Variants in ECSIT observed in about 807,000 individuals in gnomAD.
ECSIT encodes the protein ECSIT signaling integrator, also known as evolutionarily conserved signaling intermediate in Toll pathway, mitochondrial.
In ECSIT, 29 loss-of-function variants were observed where a neutral mutation model predicts 36.8. That is an observed-to-expected ratio of 0.79 (90% confidence interval 0.59 to 1.08). The LOEUF is 1.08. Among genes scored for constraint, ECSIT ranks in the 50% least tolerant of loss-of-function variants. The pLI is 0.00. For missense variants in ECSIT, 542 were observed against 581.0 expected, an observed-to-expected ratio of 0.93 and a Z score of 0.69; for synonymous variants, 231 against 234.8, an observed-to-expected ratio of 0.98 and a Z score of 0.15.
At position 11,523,495 on chromosome 19, in the gene ECSIT, G is replaced by T. The variant is rs1972150362; in HGVS notation, c.-23-4302C>A. On this transcript the variant is annotated intron_variant, in intron 1 of 7. Transcript: ENST00000270517. ...TGGATGTTAATACTGCTTTACAAGA[G>T]GTGCTGAAGACCGCCCTCATCCACG... 13 of 1,074,166 alleles carry T rather than the reference G, an allele frequency of 1.2e-5. No individual in the cohort carries two copies. The East Asian group carries it at 3.1e-4, about 26-fold the overall frequency. 66.5% of individuals were successfully genotyped at this position (1,074,166 alleles called of 1,614,324 possible). A position where few individuals can be genotyped will look rare whatever the true frequency, so the allele number is the denominator to read the frequency against.
Position 11,519,111 on chromosome 19 carries a change from G to C in ECSIT, c.60C>G (p.Thr20=). ...ARGLCRAWGG[T]CGAALTGTSI... The stretch of plus-strand genomic sequence containing the variant: ...AGGTTCCTGTGAGGGCGGCCCCGCA[G>C]GTGCCTCCCCAGGCCCTACAGAGGC... The change falls in exon 2 of 8, where the codon ACC becomes ACG. Residue 20 remains threonine (T), a synonymous_variant. Transcript: ENST00000270517. This position sits in a 1 kb window ranked among gnomAD's most constrained non-coding sequence, Gnocchi z 4.4. 4 of 1,551,256 alleles carry C rather than the reference G, an allele frequency of 2.6e-6. No individual in the cohort carries two copies. Among genetic ancestry groups the C allele is most frequent in the Non-Finnish European group, 3.5e-6 (4 of 1,146,988 alleles).
At chr19:11,521,315 T>C (rs538347054) in intron 1 of ECSIT, among the ~76,000 whole-genome samples, 9 of 152,304 alleles carry the variant, frequency 5.9e-5, no homozygotes, top group South Asian at 2.1e-4. Flanking sequence ...CTGAGACATA[T>C]GGTAACTACA....
chr19:11,509,174 G>A (rs1971820024), intron 4 of ECSIT, among the ~76,000 whole-genome samples: 1 of 150,606 alleles, frequency 6.6e-6, no homozygotes. Context: ...CTGGGTTCAA[G>A]TGATTCTGCT....
intron 1 of ECSIT, among the ~76,000 whole-genome samples, chr19:11,526,023 G>A (rs1456259265): frequency 6.6e-6 from 1 of 151,768 alleles, no homozygotes; most frequent in Non-Finnish European, 1.5e-5. Context: ...GGAGTGCAGT[G>A]GTGCAATCTT....
chr19:11,512,268 C>T (rs1157079624), intron 4 of ECSIT, among the ~76,000 whole-genome samples: 3 of 151,994 alleles, frequency 2.0e-5, no homozygotes, highest in African/African-American at 7.3e-5. Context: ...TGGCTTCAGC[C>T]TGGGAGGTGG....
chr19:11,513,432 C>T (rs976532613), intron 3 of ECSIT, 153 bp from the exon 4 acceptor site: 7 of 806,500 alleles, frequency 8.7e-6, no homozygotes, highest in Admixed American at 6.1e-5. Context: ...TGCCTGTAAT[C>T]CCAGCACATT....
intron 4 of ECSIT, among the ~76,000 whole-genome samples, chr19:11,512,227 C>G (rs943531955): frequency 6.6e-6 from 1 of 151,958 alleles, no homozygotes; most frequent in East Asian, 1.9e-4. Context: ...CGACTGTAGT[C>G]CCAGCTACTT....
chr19:11,515,920 C>T (rs1971989628), intron 2 of ECSIT: 1 of 152,130 alleles, frequency 6.6e-6, no homozygotes, highest in African/African-American at 2.4e-5. Context: ...ATGTGAGCCA[C>T]CATGCCCGGC....
Position 11,513,182 on chromosome 19 carries a change from G to C in ECSIT, c.612C>G (p.Phe204Leu). The C allele has an allele frequency of 6.2e-7, 1 of 1,614,126 alleles. No homozygotes were observed. Among genetic ancestry groups the C allele is most frequent in the South Asian group, 1.1e-5 (1 of 91,078 alleles). Residue 204 changes from phenylalanine to leucine, a missense_variant, in exon 4 of 8, where the codon TTC becomes TTG. Coordinates refer to ENST00000270517, the MANE Select transcript of ECSIT (RefSeq NM_016581.5). ...MLKLVRLKLWFPRFMNVNPFP... is the reference protein window; with the variant it reads ...MLKLVRLKLWLPRFMNVNPFP... ...AGGGGTTGACGTTCATGAATCGAGG[G>C]AACCACAGCTTCAGGCGCACCAACT...
At chr19:11,526,257 C>T (rs1182027087) in intron 1 of ECSIT, among the ~76,000 whole-genome samples, 1 of 152,150 alleles carries the variant, frequency 6.6e-6, no homozygotes, top group African/African-American at 2.4e-5. Context: ...GCCACTGCGC[C>T]AGGCCCAAAT....
Position 11,506,438 on chromosome 19 carries a change from G to T in ECSIT, c.1052-10C>A. 1 of 1,606,964 alleles carries T rather than the reference G, an allele frequency of 6.2e-7. No homozygotes were observed. Among genetic ancestry groups the T allele is most frequent in the Non-Finnish European group, 8.5e-7 (1 of 1,175,400 alleles). Reference sequence around the variant, plus strand: ...ACAGGGCCTTCCTCCACTGTTGGAAGACATGCACCCTTAAGGTTTGCACAG... The same window carrying T: ...ACAGGGCCTTCCTCCACTGTTGGAATACATGCACCCTTAAGGTTTGCACAG... On this transcript the variant is annotated splice_polypyrimidine_tract_variant and intron_variant, in intron 7 of 7. Coordinates refer to ENST00000270517, the MANE Select transcript of ECSIT (RefSeq NM_016581.5).
chr19:11,528,610 T>A (rs1383486633), intron 1 of ECSIT: 1 of 152,220 alleles, frequency 6.6e-6, no homozygotes, highest in African/African-American at 2.4e-5. Context: ...TCTATCTTCC[T>A]CATTGCTGTG....
chr19:11,512,814 G>A (rs1258335821), intron 4 of ECSIT, among the ~76,000 whole-genome samples: 1 of 152,024 alleles, frequency 6.6e-6, no homozygotes, highest in Non-Finnish European at 1.5e-5. Context: ...ATAGTGGTGT[G>A]TGACTGGAGT....
chr19:11,522,210 C>T, intron 1 of ECSIT: 1 of 545,678 alleles, frequency 1.8e-6, no homozygotes, highest in Non-Finnish European at 3.3e-6. Flanking sequence ...CGGCATCTGG[C>T]TGCGCTACAA....
At chr19:11,509,288 G>A (rs1391672224) in intron 4 of ECSIT, among the ~76,000 whole-genome samples, 1 of 150,936 alleles carries the variant, frequency 6.6e-6, no homozygotes, top group East Asian at 2.0e-4. Flanking sequence ...GGTCAGGCTG[G>A]TCTCAAACTC....
In ECSIT at chr19:11,523,557, C is replaced by G. The variant is rs1972151754; in HGVS notation, c.-23-4364G>C. 1.9e-6 allele frequency: 2 copies of G among 1,072,968 alleles called. 1 individual carries two copies. The highest frequency in any genetic ancestry group is 6.2e-4 in the Middle Eastern group (2 of 3,226). The allele number at this position is 1,072,968 out of a possible 1,614,324, so 66.5% of individuals were successfully genotyped here. ...CGTGGAATCTGTGAAGCTGCCAAAG[C>G]CTTAGACAAGCGCCAAGCCCATCTT... On this transcript the variant is annotated intron_variant, in intron 1 of 7. Coordinates refer to ENST00000270517, the MANE Select transcript of ECSIT (RefSeq NM_016581.5).
chr19:11,507,350 C>T, intron 7 of ECSIT, 107 bp downstream of exon 7: 1 of 807,776 alleles, frequency 1.2e-6, no homozygotes, highest in East Asian at 2.7e-5. Context: ...TATAATAGTT[C>T]ACTGCAACCT....
intron 1 of ECSIT, chr19:11,522,550 T>TAA (rs76681732): frequency 5.7e-4 from 327 of 568,820 alleles, no homozygotes; most frequent in East Asian, 7.2e-4. Flanking sequence ...AACGCCCCGG[T>TAA]AAAAAAAAAA....
intron 1 of ECSIT, among the ~76,000 whole-genome samples, chr19:11,521,424 G>T (rs950725646): frequency 1.3e-5 from 2 of 151,652 alleles, no homozygotes; most frequent in Non-Finnish European, 2.9e-5. Context: ...ATCAACAAAG[G>T]CTTGAACAGC....
Sources: gnomAD v4.1 joint callset for allele counts (sites outside exome capture counted in the v4.1 genomes callset) on GRCh38, gnomAD v4.1.1 for gene constraint, Gnocchi (gnomAD v3.1) non-coding constraint, MANE v1.5 for transcripts, NCBI Gene and HGNC (gene_info 2026-07-23, HGNC 2026-07-21) for gene names.